KCNIP4: variants seen among roughly 807,000 people sequenced by gnomAD.
KCNIP4 encodes potassium voltage-gated channel interacting protein 4.
In KCNIP4, 12 loss-of-function variants were observed where a neutral mutation model predicts 34.0. That is an observed-to-expected ratio of 0.35 (90% confidence interval 0.23 to 0.57). The LOEUF is 0.57. Ranked by LOEUF, KCNIP4 falls within the 20% of genes least tolerant of loss-of-function variation. KCNIP4 has a pLI of 0.83. For missense variants in KCNIP4, 238 were observed against 311.7 expected (o/e 0.76, Z 1.78); for synonymous variants, 124 against 102.2 (o/e 1.21, Z -1.29).
chr4:21,591,804 T>C (rs989081698), intron 1 of KCNIP4, among the ~76,000 whole-genome samples: 1 of 152,150 alleles, frequency 6.6e-6, no homozygotes, highest in Admixed American at 6.6e-5. Context: ...AGAAACATTC[T>C]GAAAGAGATT....
intron 1 of KCNIP4, chr4:21,846,484 T>C (rs573950821): frequency 6.6e-6 from 1 of 152,256 alleles, no homozygotes; most frequent in South Asian, 2.1e-4. Context: ...TCTCTGTTTC[T>C]TCCTGTGAAA....
chr4:21,477,633 G>A (rs577483941), intron 1 of KCNIP4, among the ~76,000 whole-genome samples: 43 of 152,272 alleles, frequency 2.8e-4, no homozygotes, highest in Non-Finnish European at 6.0e-4. Context: ...TCATTTAAGA[G>A]AGCAATAAAT....
chr4:21,422,733 G>T (rs1725589528), intron 1 of KCNIP4, among the ~76,000 whole-genome samples: 1 of 151,708 alleles, frequency 6.6e-6, no homozygotes, highest in African/African-American at 2.4e-5. Flanking sequence ...CGTCACCTGG[G>T]AAAACTGCAA....
rs183358407 is a variant in KCNIP4, at chr4:21,234,476, G to T, written c.62-351767C>A. Among the ~76,000 whole-genome samples, 463 of 65,520 alleles carry T rather than the reference G, an allele frequency of 7.1e-3. 39 individuals are homozygous for T. The highest frequency in any genetic ancestry group is 0.032 in the African/African-American group (234 of 7,264). The allele number at this position is 65,520 out of a possible 152,430, so 43.0% of individuals were successfully genotyped here. ...TTACATATAACGTATATAATATATA[G>T]TACATATAACGTATATAATATATAT... On this transcript the variant is annotated intron_variant, in intron 1 of 8. Coordinates refer to ENST00000382152, the MANE Select transcript of KCNIP4 (RefSeq NM_025221.6).
intron 1 of KCNIP4, among the ~76,000 whole-genome samples, chr4:21,349,555 T>C (rs1353310647): frequency 6.6e-6 from 1 of 152,180 alleles, no homozygotes; most frequent in African/African-American, 2.4e-5. Flanking sequence ...GAGGAATCTC[T>C]TGGCACCATA....
chr4:21,721,479 T>C (rs1460497356), intron 1 of KCNIP4, among the ~76,000 whole-genome samples: 2 of 152,198 alleles, frequency 1.3e-5, no homozygotes, highest in African/African-American at 4.8e-5. Flanking sequence ...CCACCTTAAA[T>C]GCTACACTTT....
At position 20,921,933 on chromosome 4, in the gene KCNIP4, GTTAAAC is replaced by G. The variant is rs745487210; in HGVS notation, c.62-39230_62-39225del. On this transcript the variant is annotated intron_variant, in intron 1 of 8. Transcript: ENST00000382152. ...ATTTATGACATCCATAACTATAATA[GTTAAAC>G]TTAAGATGAAAACATTTTTTATCTC... Among the ~76,000 whole-genome samples, 149 of 152,310 alleles carry G rather than the reference GTTAAAC, an allele frequency of 9.8e-4. 1 individual carries two copies. Among genetic ancestry groups the G allele is most frequent in the Non-Finnish European group, 1.5e-3 (105 of 68,012 alleles).
At chr4:21,470,823 C>CA (rs61211007) in intron 1 of KCNIP4, among the ~76,000 whole-genome samples, 24,816 of 148,128 alleles carry the variant, frequency 0.17, 2,516 homozygotes, top group African/African-American at 0.29. Flanking sequence ...GATAATTTAA[C>CA]AAAAAAAAAA....
intron 1 of KCNIP4, among the ~76,000 whole-genome samples, chr4:21,064,404 GA>G (rs758710002): frequency 0.058 from 7,766 of 134,258 alleles, 192 homozygotes; most frequent in South Asian, 0.11. Context: ...TACCTCACAG[GA>G]AAAAAAAAAA....
At chr4:21,501,968 T>TTC (rs149680713) in intron 1 of KCNIP4, among the ~76,000 whole-genome samples, 32,002 of 144,792 alleles carry the variant, frequency 0.22, 3,589 homozygotes, top group Admixed American at 0.27. Context: ...AGGGAGAATT[T>TTC]TCTCTCTCTC....
chr4:21,079,512 C>G (rs2109017399), intron 1 of KCNIP4, among the ~76,000 whole-genome samples: 1 of 150,112 alleles, frequency 6.7e-6, no homozygotes, highest in African/African-American at 2.5e-5. Context: ...TTTTGCCAAA[C>G]CAGATTGCCT....
In KCNIP4 at chr4:20,964,694, A is replaced by G. The variant is rs534943125; in HGVS notation, c.62-81985T>C. Among the ~76,000 whole-genome samples the G allele has an allele frequency of 5.9e-5, 9 of 152,320 alleles. 1 individual carries two copies. Among genetic ancestry groups the G allele is most frequent in the African/African-American group, 1.9e-4 (8 of 41,578 alleles). On this transcript the variant is annotated intron_variant, in intron 1 of 8. Transcript: ENST00000382152. ...GGCAGCAGCATTGTGAATGTTGACTATATTTAACATGCTTAGCTGTACCAG... is the reference window on the plus strand; with the variant it reads ...GGCAGCAGCATTGTGAATGTTGACTGTATTTAACATGCTTAGCTGTACCAG...
At chr4:21,656,349 A>G (rs1747931495) in intron 1 of KCNIP4, among the ~76,000 whole-genome samples, 6 of 152,158 alleles carry the variant, frequency 3.9e-5, no homozygotes, top group African/African-American at 1.4e-4. Flanking sequence ...CATCTTAACT[A>G]ATTATATCTT....
At chr4:21,033,712 C>G (rs774699132) in intron 1 of KCNIP4, among the ~76,000 whole-genome samples, 8 of 152,138 alleles carry the variant, frequency 5.3e-5, no homozygotes, top group Non-Finnish European at 1.2e-4. Context: ...TATAGACACT[C>G]TCTATATAAA....
At chr4:21,274,226 C>T (rs1762311212) in intron 1 of KCNIP4, among the ~76,000 whole-genome samples, 1 of 152,058 alleles carries the variant, frequency 6.6e-6, no homozygotes, top group Non-Finnish European at 1.5e-5. Context: ...TGTGAAGTAC[C>T]ATGCCTGTGT....
intron 1 of KCNIP4, among the ~76,000 whole-genome samples, chr4:21,798,290 G>A (rs1408346426): frequency 2.6e-5 from 4 of 151,160 alleles, no homozygotes; most frequent in Admixed American, 2.6e-4. Context: ...GGTGGTTCAC[G>A]CCTGTAATTT....
chr4:21,398,844 C>T (rs1380974034), intron 1 of KCNIP4, among the ~76,000 whole-genome samples: 1 of 152,108 alleles, frequency 6.6e-6, no homozygotes, highest in African/African-American at 2.4e-5. Context: ...CTAGAAAAGA[C>T]TTAAGAAATC....
At chr4:21,780,978 T>C (rs1719540461) in intron 1 of KCNIP4, among the ~76,000 whole-genome samples, 1 of 152,118 alleles carries the variant, frequency 6.6e-6, no homozygotes, top group Non-Finnish European at 1.5e-5. Context: ...TTTGAGAGTG[T>C]GTCTCTTCTA....
At chr4:20,858,449 A>G (rs1305170508) in intron 2 of KCNIP4, among the ~76,000 whole-genome samples, 2 of 152,150 alleles carry the variant, frequency 1.3e-5, no homozygotes, top group Non-Finnish European at 2.9e-5. Flanking sequence ...TTCAAATGAC[A>G]CACAACACTG....
Sources: gnomAD v4.1 joint callset for allele counts (sites outside exome capture counted in the v4.1 genomes callset) on GRCh38, gnomAD v4.1.1 for gene constraint, MANE v1.5 for transcripts, NCBI Gene and HGNC (gene_info 2026-07-23, HGNC 2026-07-21) for gene names.